The following QKI variants were observed in gnomAD, a reference collection of about 807,000 sequenced individuals.
QKI encodes the protein QKI, KH domain containing RNA binding.
In QKI, 10 loss-of-function variants were observed where a neutral mutation model predicts 39.0. That is an observed-to-expected ratio of 0.26 (90% CI 0.16 to 0.43). QKI has a LOEUF of 0.43. Among genes scored for constraint, QKI ranks in the 20% least tolerant of loss-of-function variants. The pLI is 1.00. For synonymous variants in QKI, 204 were observed against 155.4 expected (o/e 1.31, Z -2.33); for missense variants, 218 against 428.0 (o/e 0.51, Z 4.33).
chr6:163,564,442 T>G (rs1562549864), intron 6 of QKI: 24 of 1,403,356 alleles, frequency 1.7e-5, no homozygotes, highest in Admixed American at 5.8e-5. Flanking sequence ...GTAGTTGTAT[T>G]CTTAAGATTT....
At chr6:163,563,345 C>G (rs1309470294) in intron 5 of QKI, 75 bp from the exon 6 acceptor site, 1 of 1,302,894 alleles carries the variant, frequency 7.7e-7, no homozygotes, top group East Asian at 2.3e-5. Flanking sequence ...TTTCTTTTTC[C>G]TACTCCCTTC....
chr6:163,567,686 G>C (rs1783448274), intron 7 of QKI: 1 of 984,812 alleles, frequency 1.0e-6, no homozygotes. Context: ...TGTTTTCTAA[G>C]TTTTTCCATC....
rs759107561 is a variant in QKI, at chr6:163,567,943, C to A, written c.1009+1148C>A. 2.1e-5 allele frequency: 21 copies of A among 984,554 alleles called. No homozygotes were observed. The East Asian group carries it at 4.5e-4, about 21-fold the overall frequency. 61.0% of individuals were successfully genotyped at this position (984,554 alleles called of 1,614,324 possible). On this transcript the variant is annotated intron_variant, in intron 7 of 7. Transcript: ENST00000361752. ...TGTTGTCCACATCAGAAATAACATG[C>A]CTTTCCCAAAGACATTGTTAATATT...
At chr6:163,442,494 C>CT (rs1371981216) in intron 1 of QKI, among the ~76,000 whole-genome samples, 26 of 152,078 alleles carry the variant, frequency 1.7e-4, no homozygotes, top group African/African-American at 6.3e-4. Context: ...AAAGAATAGA[C>CT]TGACCAAGGT....
At chr6:163,532,246 T>C (rs1311685823) in intron 3 of QKI, among the ~76,000 whole-genome samples, 3 of 152,238 alleles carry the variant, frequency 2.0e-5, no homozygotes, top group African/African-American at 7.2e-5. Flanking sequence ...CAGTTTTCAT[T>C]GTATTAGTAT....
At chr6:163,500,323 G>A (rs1562490890) in intron 3 of QKI, among the ~76,000 whole-genome samples, 2 of 151,990 alleles carry the variant, frequency 1.3e-5, no homozygotes, top group Non-Finnish European at 2.9e-5. Flanking sequence ...TTGAAGGAAG[G>A]GGATTCATTA....
rs796255483 is a variant in QKI, at chr6:163,565,228, T to C, written c.935-1493T>C. 102 of 988,926 alleles carry C rather than the reference T, an allele frequency of 1.0e-4. No individual in the cohort carries two copies. The African/African-American group carries it at 1.6e-3, about 16-fold the overall frequency. 61.3% of individuals were successfully genotyped at this position (988,926 alleles called of 1,614,324 possible). ...CTGTAACCTTGTTGTTTAAGTTTTC[T>C]TTTCTATTAATACTCTGTCCTGTGG... is the stretch of plus-strand genomic sequence containing the variant. On this transcript the variant is annotated intron_variant, in intron 6 of 7. Coordinates refer to ENST00000361752, the MANE Select transcript of QKI (RefSeq NM_006775.3).
Position 163,424,559 on chromosome 6 carries a change from C to T in QKI, c.142+9224C>T, listed in dbSNP as rs74570666. ...AAATTATCAACTGCCCTGCCAACCT[C>T]AAATCCAAATACTCTGAAGTTGATG... is the stretch of plus-strand genomic sequence containing the variant. On this transcript the variant is annotated intron_variant, in intron 1 of 7. Transcript: ENST00000361752. Among the ~76,000 whole-genome samples the T allele has an allele frequency of 4.2e-3, 633 of 152,174 alleles. 5 individuals are homozygous for T. The highest frequency in any genetic ancestry group is 7.5e-3 in the Non-Finnish European group (510 of 68,010).
In QKI at chr6:163,565,811, CATTAA is replaced by C. The variant is rs201474263; in HGVS notation, c.935-905_935-901del. 6,196 of 1,370,892 alleles carry C rather than the reference CATTAA, an allele frequency of 4.5e-3. 32 individuals are homozygous for C. Among genetic ancestry groups the C allele is most frequent in the East Asian group, 0.025 (965 of 39,110 alleles). The allele number at this position is 1,370,892 out of a possible 1,614,324, so 84.9% of individuals were successfully genotyped here. A position where few individuals can be genotyped will look rare whatever the true frequency, so the allele number is the denominator to read the frequency against. ...TGCATGCTATTTATGTCACATCTCA[CATTAA>C]ATTATTTTAAAATAAGCAGTGCCCT... On this transcript the variant is annotated intron_variant, in intron 6 of 7. Transcript: ENST00000361752.
chr6:163,502,785 G>A (rs1250623664), intron 3 of QKI, among the ~76,000 whole-genome samples: 1 of 152,080 alleles, frequency 6.6e-6, no homozygotes, highest in African/African-American at 2.4e-5. Context: ...CCATGTCTTT[G>A]CTGTTGTCAG....
chr6:163,432,394 C>T (rs1788902162), intron 1 of QKI, among the ~76,000 whole-genome samples: 1 of 147,116 alleles, frequency 6.8e-6, no homozygotes, highest in South Asian at 2.1e-4. Context: ...TTAAAATCCC[C>T]CCCCTTTTTT....
intron 1 of QKI, among the ~76,000 whole-genome samples, chr6:163,439,634 A>G (rs1789603732): frequency 1.4e-5 from 2 of 146,952 alleles, no homozygotes; most frequent in South Asian, 2.2e-4. Flanking sequence ...GATTACAGGC[A>G]TGAGCCACCG....
Position 163,415,826 on chromosome 6 carries a change from C to T in QKI, c.142+491C>T, listed in dbSNP as rs975390774. 120 of 465,688 alleles carry T rather than the reference C, an allele frequency of 2.6e-4. 1 individual carries two copies. The Admixed American group carries it at 2.6e-3, about 10-fold the overall frequency. 28.8% of individuals were successfully genotyped at this position (465,688 alleles called of 1,614,324 possible). On this transcript the variant is annotated intron_variant, in intron 1 of 7. Coordinates refer to ENST00000361752, the MANE Select transcript of QKI (RefSeq NM_006775.3). ...CACCGCCCCGCGTTCGGGAGCTCTC[C>T]CCTCCCGTGAGGACTAAAGCGGGGT...
At chr6:163,493,701 A>C (rs924185025) in intron 3 of QKI, among the ~76,000 whole-genome samples, 1 of 152,162 alleles carries the variant, frequency 6.6e-6, no homozygotes, top group East Asian at 1.9e-4. Context: ...AAAGTACAAC[A>C]AAAAAAGATA....
intron 1 of QKI, among the ~76,000 whole-genome samples, chr6:163,450,453 A>G (rs997978818): frequency 2.0e-5 from 3 of 152,240 alleles, no homozygotes; most frequent in Non-Finnish European, 4.4e-5. Flanking sequence ...TGGAAAAGCC[A>G]AAGACAAACA....
intron 1 of QKI, among the ~76,000 whole-genome samples, chr6:163,452,784 A>G (rs1053319796): frequency 6.6e-6 from 1 of 152,016 alleles, no homozygotes; most frequent in African/African-American, 2.4e-5. Context: ...CTGGAGTGCA[A>G]TGGCACCATC....
intron 3 of QKI, among the ~76,000 whole-genome samples, chr6:163,499,982 G>A (rs1744109751): frequency 6.6e-6 from 1 of 152,146 alleles, no homozygotes; most frequent in South Asian, 2.1e-4. Context: ...GGACTCTGAG[G>A]AAGTTACATC....
intron 3 of QKI, among the ~76,000 whole-genome samples, chr6:163,493,891 G>A (rs1778227044): frequency 6.6e-6 from 1 of 151,920 alleles, no homozygotes; most frequent in Non-Finnish European, 1.5e-5. Context: ...TGGTTAACAA[G>A]GTTAAAGCTT....
chr6:163,472,387 G>A (rs1221815127), intron 2 of QKI, among the ~76,000 whole-genome samples: 1 of 152,124 alleles, frequency 6.6e-6, no homozygotes, highest in Non-Finnish European at 1.5e-5. Context: ...TCTCAAGGGT[G>A]GCAGAGGCAG....
Sources: gnomAD v4.1 joint callset for allele counts (sites outside exome capture counted in the v4.1 genomes callset) on GRCh38, gnomAD v4.1.1 for gene constraint, MANE v1.5 for transcripts, NCBI Gene and HGNC (gene_info 2026-07-23, HGNC 2026-07-21) for gene names.